The following CTBP2 variants were observed in gnomAD, a reference collection of about 807,000 sequenced individuals.
The protein encoded by CTBP2 is C-terminal binding protein 2, also known as C-terminal-binding protein 2.
CTBP2 carries 30 observed loss-of-function variants against 80.3 expected under a neutral mutation model. The ratio of observed to expected loss-of-function variants is 0.37; its 90% CI spans 0.28 to 0.51. The LOEUF (loss-of-function observed/expected upper bound fraction) is 0.51, where lower values mean the gene tolerates loss of function less well. Among genes scored for constraint, CTBP2 ranks in the 20% least tolerant of loss-of-function variants. CTBP2 has a pLI of 0.93. For synonymous variants in CTBP2, 594 were observed against 587.4 expected (o/e 1.01, Z -0.16); for missense variants, 1,212 against 1,375.3 (o/e 0.88, Z 1.88).
chr10:125,146,242 G>A (rs1285508092), intron 1 of CTBP2, among the ~76,000 whole-genome samples: 1 of 151,160 alleles, frequency 6.6e-6, no homozygotes, highest in Non-Finnish European at 1.5e-5. Flanking sequence ...CAAAGTGCTA[G>A]GATTATAGGT....
intron 1 of CTBP2, among the ~76,000 whole-genome samples, chr10:125,134,719 C>T (rs1317353181): frequency 5.3e-5 from 8 of 152,134 alleles, no homozygotes; most frequent in Non-Finnish European, 1.0e-4. Flanking sequence ...CGCCCAGCAC[C>T]CTGGGCCACC....
At chr10:125,102,994 A>G (rs929879254) in intron 2 of CTBP2, among the ~76,000 whole-genome samples, 8 of 152,182 alleles carry the variant, frequency 5.3e-5, no homozygotes, top group African/African-American at 1.9e-4. Context: ...GGGTCCCCAC[A>G]CCCTACCTGC....
At position 125,039,577 on chromosome 10, in the gene CTBP2, G is replaced by A. The variant is rs187690963; in HGVS notation, c.-101-422C>T. On this transcript the variant is annotated intron_variant, in intron 2 of 10. Coordinates refer to the CTBP2 transcript ENST00000337195. The stretch of plus-strand genomic sequence containing the variant: ...GACGCACACCGTGGCGACTCGAGGG[G>A]CTCTGCGAAGGCCTGCTGCCAGGTG... Among the ~76,000 whole-genome samples the A allele has an allele frequency of 1.4e-3, 207 of 152,342 alleles. 1 individual carries two copies. Among genetic ancestry groups the A allele is most frequent in the Admixed American group, 4.9e-3 (75 of 15,310 alleles).
At chr10:124,994,759 G>A in intron 4 of CTBP2, 76 bp from the exon 7 acceptor site, 4 of 1,448,530 alleles carry the variant, frequency 2.8e-6, no homozygotes, top group Non-Finnish European at 3.8e-6. Flanking sequence ...TTGCTTCTGA[G>A]CTGAGTCCGG....
chr10:125,140,706 T>C (rs1857662468), intron 1 of CTBP2, among the ~76,000 whole-genome samples: 1 of 151,942 alleles, frequency 6.6e-6, no homozygotes, highest in Non-Finnish European at 1.5e-5. Flanking sequence ...GCCTATCATC[T>C]CAGCTACTCA....
chr10:125,089,496 A>G (rs1848466663), intron 2 of CTBP2, among the ~76,000 whole-genome samples: 1 of 152,180 alleles, frequency 6.6e-6, no homozygotes, highest in Non-Finnish European at 1.5e-5. Context: ...GTCAACCTAG[A>G]GCCTCCAAGA....
upstream of CTBP2, chr10:125,160,711 T>A (rs1411882217): frequency 1.6e-5 from 1 of 61,862 alleles, no homozygotes; most frequent in Non-Finnish European, 3.1e-5. Flanking sequence ...CCCACCCCCT[T>A]CCTCCGCCCA....
chr10:125,155,387 CATTT>C (rs1051944247), intron 1 of CTBP2, among the ~76,000 whole-genome samples: 1 of 151,214 alleles, frequency 6.6e-6, no homozygotes, highest in African/African-American at 2.5e-5. Context: ...ATTCTGTATT[CATTT>C]GTGAATCCCC....
chr10:125,132,390 A>C (rs576623714), intron 1 of CTBP2, among the ~76,000 whole-genome samples: 1 of 152,218 alleles, frequency 6.6e-6, no homozygotes, highest in Non-Finnish European at 1.5e-5. Flanking sequence ...AAACCAATAC[A>C]GTGTCTTCAA....
intron 1 of CTBP2, among the ~76,000 whole-genome samples, chr10:125,134,331 G>A (rs567910637): frequency 2.1e-4 from 32 of 152,220 alleles, no homozygotes; most frequent in Middle Eastern, 3.4e-3. Context: ...CCCAGCGGAA[G>A]CCCCCCCGCC....
chr10:124,991,857 AG>A (rs945932355), intron 8 of CTBP2, among the ~76,000 whole-genome samples: 8 of 113,880 alleles, frequency 7.0e-5, no homozygotes, highest in Admixed American at 3.9e-4. Context: ...TTTATGCATG[AG>A]GGGGCTACTG....
intron 4 of CTBP2, chr10:124,997,671 T>C (rs1953811188): frequency 2.1e-6 from 1 of 475,478 alleles, no homozygotes. Flanking sequence ...CAGGGAAATT[T>C]ACTGGGCACA....
chr10:125,092,711 A>G (rs1237764278), intron 2 of CTBP2, among the ~76,000 whole-genome samples: 1 of 152,158 alleles, frequency 6.6e-6, no homozygotes, highest in Non-Finnish European at 1.5e-5. Flanking sequence ...TGACGTCACC[A>G]GGCAGCAGGT....
At chr10:125,053,254 C>T (rs1204874818) in intron 2 of CTBP2, among the ~76,000 whole-genome samples, 2 of 152,146 alleles carry the variant, frequency 1.3e-5, no homozygotes, top group Non-Finnish European at 2.9e-5. Context: ...GCTCCCTCAC[C>T]TCCAGGAAGG....
chr10:124,984,659 ATTGCT>A lies in CTBP2; in HGVS notation c.*4854_*4858del, dbSNP rs1350228536. ...GAGGTCAAAACCATGTGAAAAGTTGATTGCTTTGGCCTTTTCATGAGTTAGCATAC... is the reference window on the plus strand; with the variant it reads ...GAGGTCAAAACCATGTGAAAAGTTGATTGGCCTTTTCATGAGTTAGCATAC... On this transcript the variant is annotated 3_prime_UTR_variant, in exon 9 of 9. Transcript: ENST00000309035. 1 of 1,028,708 alleles carries A rather than the reference ATTGCT, an allele frequency of 9.7e-7. No homozygotes were observed. The highest frequency in any genetic ancestry group is 2.6e-5 in the East Asian group (1 of 38,984). 63.7% of individuals were successfully genotyped at this position (1,028,708 alleles called of 1,614,324 possible). A position where few individuals can be genotyped will look rare whatever the true frequency, so the allele number is the denominator to read the frequency against.
At chr10:125,135,201 C>G (rs1856806520) in intron 1 of CTBP2, among the ~76,000 whole-genome samples, 1 of 152,130 alleles carries the variant, frequency 6.6e-6, no homozygotes, top group Non-Finnish European at 1.5e-5. Flanking sequence ...AAAAGCCCAA[C>G]CACCAGGAAG....
rs886365270 is a variant in CTBP2 at position 125,066,089 on chromosome 10, G to T, written c.-101-26934C>A. On this transcript the variant is annotated intron_variant, in intron 2 of 10. Coordinates refer to the CTBP2 transcript ENST00000337195. The surrounding 1 kb of genome is among the most constrained non-coding windows in gnomAD (Gnocchi z 4.1). ...GCACTCTAGCCAAAAAAAAAAAGCC[G>T]TCATCTTCTTGATGGTGAACTCCCT... is the stretch of plus-strand genomic sequence containing the variant. Among the ~76,000 whole-genome samples, 2 of 147,054 alleles carry T rather than the reference G, an allele frequency of 1.4e-5. No homozygotes were observed. Among genetic ancestry groups the T allele is most frequent in the South Asian group, 4.3e-4 (2 of 4,674 alleles).
intron 1 of CTBP2, among the ~76,000 whole-genome samples, chr10:125,149,401 A>AG (rs1180196971): frequency 6.6e-6 from 1 of 152,134 alleles, no homozygotes; most frequent in Non-Finnish European, 1.5e-5. Flanking sequence ...TAAAAACTGC[A>AG]GGGGGCACTT....
intron 2 of CTBP2, among the ~76,000 whole-genome samples, chr10:125,039,470 A>T (rs1463561414): frequency 3.3e-5 from 5 of 152,246 alleles, no homozygotes; most frequent in African/African-American, 1.2e-4. Flanking sequence ...ACCAATTTGA[A>T]GTGTAATAAA....
Sources: allele counts gnomAD v4.1 joint callset (sites outside exome capture counted in the v4.1 genomes callset), GRCh38; gene constraint gnomAD v4.1.1; non-coding constraint Gnocchi (gnomAD v3.1); transcripts MANE v1.5; gene names NCBI Gene and HGNC (gene_info 2026-07-23, HGNC 2026-07-21).